TDRD12: variants seen among roughly 807,000 people sequenced by gnomAD.
TDRD12 encodes the protein tudor domain containing 12.
A neutral mutation model predicts 133.5 loss-of-function variants in TDRD12; 158 were observed. That is an observed-to-expected ratio of 1.18 (90% CI 1.04 to 1.35). The LOEUF is 1.35. TDRD12 is among the 40% of genes most tolerant of loss of function. TDRD12 has a pLI of 0.00. For synonymous variants in TDRD12, 460 were observed against 477.9 expected, an observed-to-expected ratio of 0.96 and a Z score of 0.49; for missense variants, 1,443 against 1,321.3, an observed-to-expected ratio of 1.09 and a Z score of -1.43.
At chr19:32,720,030 C>T (rs1431692077) in exon 1 of TDRD12, 11 of 1,546,036 alleles carry the variant, frequency 7.1e-6, no homozygotes, top group Non-Finnish European at 9.6e-6. Flanking sequence ...CGGTAGGGGA[C>T]TTCCAGGGCG....
At chr19:32,751,192 GA>G (rs1214403278) in intron 6 of TDRD12, among the ~76,000 whole-genome samples, 4 of 147,384 alleles carry the variant, frequency 2.7e-5, no homozygotes, top group African/African-American at 1.0e-4. Context: ...TTATAAGCGA[GA>G]ACATGCAGTG....
chr19:32,781,379 A>G (rs1970761093), intron 11 of TDRD12, among the ~76,000 whole-genome samples: 1 of 152,088 alleles, frequency 6.6e-6, no homozygotes, highest in Non-Finnish European at 1.5e-5. Flanking sequence ...TCCCGTGTTC[A>G]TTGTCACCAA....
At chr19:32,741,241 C>T (rs1057011702) in intron 3 of TDRD12, among the ~76,000 whole-genome samples, 1 of 152,174 alleles carries the variant, frequency 6.6e-6, no homozygotes, top group Non-Finnish European at 1.5e-5. Context: ...GCCACCACGT[C>T]CAGCTAATTT....
intron 5 of TDRD12, among the ~76,000 whole-genome samples, chr19:32,749,146 G>C (rs534499164): frequency 1.3e-5 from 2 of 152,234 alleles, no homozygotes; most frequent in African/African-American, 4.8e-5. Flanking sequence ...CTGGGTAGAG[G>C]AGGAGCCAGA....
At chr19:32,729,104 A>G (rs184142451) in intron 1 of TDRD12, among the ~76,000 whole-genome samples, 2,350 of 147,230 alleles carry the variant, frequency 0.016, 215 homozygotes, top group Admixed American at 0.14. Context: ...TAACCATCTC[A>G]TCTTTAAGTT....
At chr19:32,800,187 C>A in exon 17 of TDRD12, 1 of 1,512,182 alleles carries the variant, frequency 6.6e-7, no homozygotes, top group Admixed American at 2.2e-5. Context: ...TATTAGATAA[C>A]TTTAAAAAAA....
At chr19:32,800,863 G>A (rs1255946186) in intron 18 of TDRD12, 91 bp downstream of exon 18, 3 of 1,294,744 alleles carry the variant, frequency 2.3e-6, no homozygotes, top group Non-Finnish European at 2.0e-6. Flanking sequence ...TTGACTCTGT[G>A]GCAGGGAAGT....
chr19:32,785,591 A>T (rs1327650783), intron 11 of TDRD12, among the ~76,000 whole-genome samples: 2 of 152,074 alleles, frequency 1.3e-5, no homozygotes, highest in South Asian at 2.1e-4. Context: ...ATTGTGTGGG[A>T]GTCTAGATCT....
At chr19:32,811,140 A>T (rs1177364241) in intron 23 of TDRD12, 70 bp from the exon 24 acceptor site, 1 of 1,202,634 alleles carries the variant, frequency 8.3e-7, no homozygotes, top group African/African-American at 1.5e-5. Context: ...TTTCCATTTC[A>T]TGGTAATTTG....
intron 1 of TDRD12, among the ~76,000 whole-genome samples, chr19:32,722,743 A>G (rs1043313525): frequency 6.7e-6 from 1 of 149,608 alleles, no homozygotes. Context: ...GTGGTGGAGC[A>G]ATCTCGGCTC....
chr19:32,826,780 G>T, intron 9 of TDRD12, 31 bp downstream of exon 32: 5 of 1,222,462 alleles, frequency 4.1e-6, no homozygotes, highest in Non-Finnish European at 5.1e-6. Context: ...TCTCCGAGGG[G>T]TTGTAGGTTC....
exon 17 of TDRD12, chr19:32,800,285 A>C: frequency 6.5e-7 from 1 of 1,535,236 alleles, no homozygotes; most frequent in East Asian, 2.4e-5. Context: ...CATCTCATCA[A>C]AGAGTTCATG....
chr19:32,786,349 C>T (rs951752876), intron 11 of TDRD12, among the ~76,000 whole-genome samples: 3 of 152,098 alleles, frequency 2.0e-5, no homozygotes, highest in African/African-American at 7.2e-5. Flanking sequence ...TCTCTGGGTG[C>T]CCTTAACATT....
intron 1 of TDRD12, among the ~76,000 whole-genome samples, chr19:32,730,541 C>T (rs1014577477): frequency 2.6e-5 from 4 of 152,114 alleles, no homozygotes; most frequent in African/African-American, 9.7e-5. Flanking sequence ...TCACTGGAAC[C>T]AGAATAACTA....
intron 8 of TDRD12, among the ~76,000 whole-genome samples, chr19:32,767,392 G>A (rs1217981588): frequency 6.6e-6 from 1 of 152,096 alleles, no homozygotes; most frequent in East Asian, 1.9e-4. Context: ...GCCTCCCAAA[G>A]TGCTGGGATT....
At chr19:32,800,587 G>A in intron 17 of TDRD12, 57 bp from the exon 18 acceptor site, 1 of 1,428,820 alleles carries the variant, frequency 7.0e-7, no homozygotes, top group Non-Finnish European at 9.2e-7. Context: ...TGTGGAAAGT[G>A]GATCTGGAGC....
At chr19:32,759,049 C>T (rs1970076927) in intron 8 of TDRD12, among the ~76,000 whole-genome samples, 2 of 152,040 alleles carry the variant, frequency 1.3e-5, no homozygotes, top group African/African-American at 2.4e-5. Flanking sequence ...TGAGACCAGC[C>T]TGGCCAACAT....
intron 11 of TDRD12, among the ~76,000 whole-genome samples, chr19:32,787,271 T>C (rs1414823472): frequency 6.6e-6 from 1 of 152,182 alleles, no homozygotes; most frequent in African/African-American, 2.4e-5. Context: ...CAAATATTGC[T>C]GCCTGATCCT....
chr19:32,796,585 CAAA>C (rs753485762), intron 14 of TDRD12, among the ~76,000 whole-genome samples: 2 of 131,738 alleles, frequency 1.5e-5, no homozygotes, highest in South Asian at 2.5e-4. Flanking sequence ...AACTCCATCT[CAAA>C]AAAAAAAAAA....
Sources: allele counts gnomAD v4.1 joint callset (sites outside exome capture counted in the v4.1 genomes callset), GRCh38; gene constraint gnomAD v4.1.1; transcripts MANE v1.5; gene names NCBI Gene and HGNC (gene_info 2026-07-23, HGNC 2026-07-21).